Variants in CHCHD6 observed in about 807,000 individuals in gnomAD.
CHCHD6 encodes MICOS complex subunit MIC25.
Under a neutral mutation model 32.3 loss-of-function variants are expected in CHCHD6, and 28 were observed. The observed-to-expected ratio is 0.87, with a 90% CI of 0.64 to 1.19. The LOEUF (loss-of-function observed/expected upper bound fraction) is 1.19. CHCHD6 is among the 50% of genes most tolerant of loss of function. The pLI, the probability that CHCHD6 is intolerant of heterozygous loss-of-function variation, is 0.00. For missense variants in CHCHD6, 333 were observed against 307.0 expected, an observed-to-expected ratio of 1.08 and a Z score of -0.63; for synonymous variants, 122 against 117.5, an observed-to-expected ratio of 1.04 and a Z score of -0.25.
intron 4 of CHCHD6, among the ~76,000 whole-genome samples, chr3:126,835,813 T>C (rs1940835370): frequency 6.6e-6 from 1 of 152,238 alleles, no homozygotes; most frequent in Admixed American, 6.5e-5. Context: ...ACCCTGTACC[T>C]AAAGACAGCC....
At position 126,742,384 on chromosome 3, in the gene CHCHD6, T is replaced by C. The variant is rs531145614; in HGVS notation, c.411+9162T>C. 4.6e-5 allele frequency among the ~76,000 whole-genome samples: 7 copies of C among 152,346 alleles called. No individual in the cohort carries two copies. In the South Asian group the frequency reaches 1.4e-3, roughly 32 times the overall value. ...AGGTGGGCCCAATAGACCTGTGGGC[T>C]GAGCTTCCGGTATCTCCCCTAAGAA... is the stretch of plus-strand genomic sequence containing the variant. On this transcript the variant is annotated intron_variant, in intron 4 of 7. Coordinates refer to ENST00000290913, the MANE Select transcript of CHCHD6 (RefSeq NM_032343.3).
intron 5 of CHCHD6, among the ~76,000 whole-genome samples, chr3:126,892,496 C>G (rs1241479402): frequency 6.6e-6 from 1 of 152,160 alleles, no homozygotes; most frequent in Non-Finnish European, 1.5e-5. Flanking sequence ...TGCCTACAAC[C>G]CTGAGACTTA....
intron 4 of CHCHD6, among the ~76,000 whole-genome samples, chr3:126,782,292 G>C (rs1937983508): frequency 6.6e-6 from 1 of 152,182 alleles, no homozygotes; most frequent in African/African-American, 2.4e-5. Flanking sequence ...TTTCTACAGT[G>C]CCAGGCCCTT....
intron 4 of CHCHD6, among the ~76,000 whole-genome samples, chr3:126,818,409 C>T (rs780612831): frequency 4.6e-5 from 7 of 152,098 alleles, no homozygotes; most frequent in Non-Finnish European, 7.4e-5. Context: ...CAGAGGTGAC[C>T]GGATCCCCTC....
intron 5 of CHCHD6, among the ~76,000 whole-genome samples, chr3:126,911,745 G>T (rs1255706533): frequency 6.6e-6 from 1 of 152,232 alleles, no homozygotes; most frequent in Non-Finnish European, 1.5e-5. Context: ...GGGCCAGGCT[G>T]TTTCTGGCAG....
intron 1 of CHCHD6, among the ~76,000 whole-genome samples, chr3:126,708,911 C>T (rs1408184996): frequency 6.6e-6 from 1 of 152,176 alleles, no homozygotes; most frequent in Non-Finnish European, 1.5e-5. Context: ...ATAGTCCCCT[C>T]TTGGTCTTTC....
In CHCHD6 at chr3:126,919,344, C is replaced by T. The variant is rs572685730; in HGVS notation, c.566+4594C>T. On this transcript the variant is annotated intron_variant, in intron 6 of 7. Coordinates refer to ENST00000290913, the MANE Select transcript of CHCHD6 (RefSeq NM_032343.3). ...TTTTTTTTTTTTTTTGAGACAAGGT[C>T]TCACTGTCACCCAGGCTGCAGTACA... Among the ~76,000 whole-genome samples, 14 of 126,884 alleles carry T rather than the reference C, an allele frequency of 1.1e-4. No individual in the cohort carries two copies. The East Asian group carries it at 3.0e-3, about 27-fold the overall frequency. The allele number at this position is 126,884 out of a possible 152,430, so 83.2% of individuals were successfully genotyped here.
chr3:126,716,998 G>C (rs1213780905), intron 1 of CHCHD6, among the ~76,000 whole-genome samples: 9 of 152,164 alleles, frequency 5.9e-5, no homozygotes, highest in Non-Finnish European at 1.3e-4. Flanking sequence ...TGCTTAGCAG[G>C]TGCATCTCCC....
intron 5 of CHCHD6, among the ~76,000 whole-genome samples, chr3:126,887,723 G>A (rs1053584841): frequency 1.3e-5 from 2 of 152,154 alleles, no homozygotes; most frequent in African/African-American, 2.4e-5. Context: ...GTGGCCTCCC[G>A]GAAACACCGT....
Position 126,960,357 on chromosome 3 carries a change from GCTA to G in CHCHD6, c.*159_*161del. ...CACGTGTTTAGGAAACAAAGTATGC[GCTA>G]CTGTCTGAAAACAAATAAAGCAGAT... is the stretch of plus-strand genomic sequence containing the variant. On this transcript the variant is annotated 3_prime_UTR_variant, in exon 8 of 8. Coordinates refer to ENST00000290913, the MANE Select transcript of CHCHD6 (RefSeq NM_032343.3). 3 of 792,714 alleles carry G rather than the reference GCTA, an allele frequency of 3.8e-6. No homozygotes were observed. Among genetic ancestry groups the G allele is most frequent in the Non-Finnish European group, 6.2e-6 (3 of 486,432 alleles). The allele number at this position is 792,714 out of a possible 1,614,324, so 49.1% of individuals were successfully genotyped here.
intron 2 of CHCHD6, among the ~76,000 whole-genome samples, chr3:126,729,922 A>G (rs1251706061): frequency 6.6e-6 from 1 of 152,168 alleles, no homozygotes; most frequent in Non-Finnish European, 1.5e-5. Flanking sequence ...ACAGGGTAGT[A>G]ACAAAACCTT....
chr3:126,786,383 T>G (rs1407758300), intron 4 of CHCHD6, among the ~76,000 whole-genome samples: 7 of 152,166 alleles, frequency 4.6e-5, no homozygotes, highest in Admixed American at 2.0e-4. Flanking sequence ...TCTAGTTCAA[T>G]ATCCCTGAGG....
intron 6 of CHCHD6, among the ~76,000 whole-genome samples, chr3:126,934,715 A>AT (rs1318339179): frequency 2.0e-5 from 3 of 151,464 alleles, no homozygotes; most frequent in African/African-American, 7.3e-5. Context: ...TGCCTGGCTG[A>AT]TTTTTTTGTA....
At position 126,842,397 on chromosome 3, in the gene CHCHD6, A is replaced by G. The variant is rs1418265181; in HGVS notation, c.412-10250A>G. ...CTTTAAACATTTGAGAAGCATGGTT[A>G]TAATACATGTTCTTAGATTAGTTCA... On this transcript the variant is annotated intron_variant, in intron 4 of 7. Transcript: ENST00000290913. 3.9e-5 allele frequency among the ~76,000 whole-genome samples: 6 copies of G among 152,212 alleles called. No individual in the cohort carries two copies. The East Asian group carries it at 1.2e-3, about 29-fold the overall frequency.
chr3:126,803,298 G>A (rs1485521203), intron 4 of CHCHD6, among the ~76,000 whole-genome samples: 1 of 152,138 alleles, frequency 6.6e-6, no homozygotes, highest in Non-Finnish European at 1.5e-5. Context: ...AGACCCATTG[G>A]TGTGCTGTAT....
At chr3:126,800,282 G>C (rs76345631) in intron 4 of CHCHD6, among the ~76,000 whole-genome samples, 1 of 152,160 alleles carries the variant, frequency 6.6e-6, no homozygotes, top group Non-Finnish European at 1.5e-5. Context: ...CCTTTGCTCT[G>C]TCCCCAAGCC....
chr3:126,958,586 A>G (rs1292105724), intron 7 of CHCHD6, among the ~76,000 whole-genome samples: 2 of 152,156 alleles, frequency 1.3e-5, no homozygotes, highest in African/African-American at 4.8e-5. Context: ...GCTCACACCC[A>G]TCTGCCAAGG....
At chr3:126,865,095 T>TCCTCCA (rs1942228421) in intron 5 of CHCHD6, among the ~76,000 whole-genome samples, 2 of 123,036 alleles carry the variant, frequency 1.6e-5, no homozygotes, top group African/African-American at 1.1e-4. Flanking sequence ...TTCCTCCTCC[T>TCCTCCA]CCTCCACCAC....
intron 1 of CHCHD6, among the ~76,000 whole-genome samples, chr3:126,717,015 C>T (rs1935051315): frequency 6.6e-6 from 1 of 152,166 alleles, no homozygotes; most frequent in African/African-American, 2.4e-5. Flanking sequence ...TCCCCTTGCT[C>T]TTGCTGTTGG....
Sources: allele counts gnomAD v4.1 joint callset (sites outside exome capture counted in the v4.1 genomes callset), GRCh38; gene constraint gnomAD v4.1.1; transcripts MANE v1.5; gene names NCBI Gene and HGNC (gene_info 2026-07-23, HGNC 2026-07-21).